The following MS4A15 variants were observed in gnomAD, a reference collection of about 807,000 sequenced individuals.
The protein encoded by MS4A15 is membrane-spanning 4-domains subfamily A member 15.
MS4A15 carries 22 observed loss-of-function variants against 20.6 expected under a neutral mutation model. The ratio of observed to expected loss-of-function variants is 1.07; its 90% CI spans 0.76 to 1.52. The LOEUF is 1.52. Ranked by LOEUF, MS4A15 falls within the 40% of genes most tolerant of loss-of-function variation. The pLI, the probability that MS4A15 is intolerant of heterozygous loss-of-function variation, is 0.00. For synonymous variants in MS4A15, 129 were observed against 129.3 expected (o/e 1.00, Z 0.02); for missense variants, 312 against 323.0 (o/e 0.97, Z 0.26).
chr11:60,767,953 G>T (rs942249947), intron 3 of MS4A15, among the ~76,000 whole-genome samples: 1 of 152,234 alleles, frequency 6.6e-6, no homozygotes, highest in Non-Finnish European at 1.5e-5. Flanking sequence ...AACACTTTGG[G>T]AGGCCGAGGC....
chr11:60,767,755 T>TC, intron 3 of MS4A15, 100 bp downstream of exon 3: 1 of 1,354,716 alleles, frequency 7.4e-7, no homozygotes, highest in Non-Finnish European at 9.6e-7. Flanking sequence ...GCACAGCCTC[T>TC]CCTAGGTGGG....
At chr11:60,772,795 C>T (rs569732665) in intron 4 of MS4A15, among the ~76,000 whole-genome samples, 7 of 152,114 alleles carry the variant, frequency 4.6e-5, no homozygotes, top group Non-Finnish European at 8.8e-5. Context: ...GAGTCACTTG[C>T]CCTGCACGCT....
chr11:60,770,847 A>G (rs889861530), intron 3 of MS4A15, among the ~76,000 whole-genome samples: 1 of 151,796 alleles, frequency 6.6e-6, no homozygotes, highest in Non-Finnish European at 1.5e-5. Context: ...GTGGGATTAC[A>G]GGTGCACGCC....
At chr11:60,772,271 T>C (rs1212907109) in intron 4 of MS4A15, among the ~76,000 whole-genome samples, 1 of 152,122 alleles carries the variant, frequency 6.6e-6, no homozygotes, top group East Asian at 1.9e-4. Context: ...AGAGCCTAAA[T>C]GCCAAGTTCA....
chr11:60,764,052 A>G, intron 2 of MS4A15, 94 bp downstream of exon 2: 2 of 1,149,512 alleles, frequency 1.7e-6, no homozygotes, highest in Non-Finnish European at 2.5e-6. Context: ...GAAGGCAGTT[A>G]ACAAATATGT....
intron 3 of MS4A15, among the ~76,000 whole-genome samples, chr11:60,769,402 G>A (rs746959100): frequency 5.1e-4 from 78 of 152,336 alleles, no homozygotes; most frequent in Non-Finnish European, 4.7e-4. Flanking sequence ...TTCCAGGATG[G>A]TGGATGACTT....
In MS4A15 at chr11:60,763,944, C is replaced by A. The variant is rs778901512; in HGVS notation, c.211C>A (p.Pro71Thr). The stretch of plus-strand genomic sequence containing the variant: ...CGTGGAGACATTCCTGACAGGAGAG[C>A]CCAAAGTTTTGGGGGTAAGAACAGC... ...RPVETFLTGE[P>T]KVLGTVQILI... is the part of the protein sequence containing the mutation. The change falls in exon 2 of 7, where the codon CCC (proline) becomes ACC (threonine). Residue 71 changes from proline (P) to threonine (T), a missense_variant. Physicochemically the swap from Pro to Thr is conservative, Grantham distance 38. Coordinates refer to ENST00000405633, the MANE Select transcript of MS4A15 (RefSeq NM_001098835.2). 3 of 1,612,410 alleles carry A rather than the reference C, an allele frequency of 1.9e-6. No homozygotes were observed. Among genetic ancestry groups the A allele is most frequent in the East Asian group, 2.2e-5 (1 of 44,854 alleles).
Position 60,763,854 on chromosome 11 carries a change from C to T in MS4A15, c.121C>T (p.Gln41Ter), listed in dbSNP as rs571335215. The part of the protein sequence containing the change: ...TSMCQPPGIM[Q>*]FEEPPLGAQT... Reference sequence around the variant, plus strand: ...CATGTGCCAACCTCCAGGGATTATGCAGTTTGAGGAGCCACCGCTGGGGGC... The same window carrying T: ...CATGTGCCAACCTCCAGGGATTATGTAGTTTGAGGAGCCACCGCTGGGGGC... Residue 41 changes from glutamine to a stop codon, truncating the protein, a stop_gained, in exon 2 of 7, where the codon CAG becomes TAG. Coordinates refer to ENST00000405633, the MANE Select transcript of MS4A15 (RefSeq NM_001098835.2). LOFTEE classifies it high-confidence loss of function. 1 of 1,612,868 alleles carries T rather than the reference C, an allele frequency of 6.2e-7. No homozygotes were observed. The highest frequency in any genetic ancestry group is 8.5e-7 in the Non-Finnish European group (1 of 1,179,894).
chr11:60,764,147 A>G (rs1043801309), intron 2 of MS4A15, among the ~76,000 whole-genome samples, 189 bp downstream of exon 2: 4 of 152,266 alleles, frequency 2.6e-5, no homozygotes, highest in Non-Finnish European at 5.9e-5. Context: ...CCAGTAAACA[A>G]ATGACTCAGA....
Position 60,773,844 on chromosome 11 carries a change from A to G in MS4A15, c.506A>G (p.Asp169Gly). 6.2e-7 allele frequency: 1 copy of G among 1,613,962 alleles called. No individual in the cohort carries two copies. The highest frequency in any genetic ancestry group is 8.5e-7 in the Non-Finnish European group (1 of 1,179,858). ...MDFGVTNRDV[D>G]RGYLAVLTIF... ...GTGGGTTTTGGTCCCCAGGATGTGG[A>G]CAGGGGCTATCTGGCCGTGCTTACT... is the stretch of plus-strand genomic sequence containing the variant. The change falls in exon 6 of 7, where the codon GAC becomes GGC. Residue 169 changes from aspartate (D) to glycine (G), a missense_variant. By Grantham distance (94) the Asp-to-Gly change is moderately conservative. Coordinates refer to ENST00000405633, the MANE Select transcript of MS4A15 (RefSeq NM_001098835.2).
At chr11:60,757,764 A>C (rs1029667854) in intron 1 of MS4A15, among the ~76,000 whole-genome samples, 9 of 152,120 alleles carry the variant, frequency 5.9e-5, no homozygotes, top group Admixed American at 2.0e-4. Flanking sequence ...GAATATCTAT[A>C]TGATCGGGTG....
chr11:60,774,540 C>A (rs1467510419), intron 6 of MS4A15, among the ~76,000 whole-genome samples: 1 of 152,236 alleles, frequency 6.6e-6, no homozygotes, highest in Non-Finnish European at 1.5e-5. Flanking sequence ...GGCAGCCTTG[C>A]AGAATAGAAG....
chr11:60,757,636 T>C (rs1045360513), intron 1 of MS4A15, among the ~76,000 whole-genome samples: 1 of 152,188 alleles, frequency 6.6e-6, no homozygotes, highest in African/African-American at 2.4e-5. Context: ...CCTCTTTTCC[T>C]CCACCCTTAA....
chr11:60,771,635 C>G (rs1035121513), intron 4 of MS4A15: 1 of 1,454,946 alleles, frequency 6.9e-7, no homozygotes, highest in Non-Finnish European at 9.1e-7. Flanking sequence ...CTGTAAGAGT[C>G]CTGCTGGGCC....
intron 1 of MS4A15, among the ~76,000 whole-genome samples, chr11:60,758,719 A>G (rs762404084): frequency 1.3e-5 from 2 of 152,340 alleles, no homozygotes; most frequent in Non-Finnish European, 2.9e-5. Flanking sequence ...ATCAGCTTTC[A>G]TTTACCAGCC....
At position 60,775,507 on chromosome 11, in the gene MS4A15, A is replaced by G. The variant is rs990521606; in HGVS notation, c.613-98A>G. 18 of 907,138 alleles carry G rather than the reference A, an allele frequency of 2.0e-5. No homozygotes were observed. The African/African-American group carries it at 2.5e-4, about 13-fold the overall frequency. 56.2% of individuals were successfully genotyped at this position (907,138 alleles called of 1,614,324 possible). On this transcript the variant is annotated intron_variant, in intron 6 of 6. Transcript: ENST00000405633. ...ATTCAGACTTGCGGAATTCAGTACCAGGGCGCTGTTCTCAGATTACCCACA... is the reference window on the plus strand; with the variant it reads ...ATTCAGACTTGCGGAATTCAGTACCGGGGCGCTGTTCTCAGATTACCCACA...
chr11:60,774,449 G>A (rs1250114414), intron 6 of MS4A15, among the ~76,000 whole-genome samples: 1 of 152,126 alleles, frequency 6.6e-6, no homozygotes, highest in African/African-American at 2.4e-5. Flanking sequence ...CGTCTTCGCA[G>A]GTCAGTGAAG....
At chr11:60,769,160 G>A (rs1184765414) in intron 3 of MS4A15, among the ~76,000 whole-genome samples, 1 of 151,730 alleles carries the variant, frequency 6.6e-6, no homozygotes, top group Non-Finnish European at 1.5e-5. Flanking sequence ...CTTCAAAAAT[G>A]GGGGAAGGAA....
chr11:60,761,309 A>C (rs10792289), intron 1 of MS4A15, among the ~76,000 whole-genome samples: 2 of 152,048 alleles, frequency 1.3e-5, no homozygotes, highest in African/African-American at 4.8e-5. Context: ...TATCTTTACT[A>C]TCAGTGTAAA....
Sources: gnomAD v4.1 joint callset for allele counts (sites outside exome capture counted in the v4.1 genomes callset) on GRCh38, gnomAD v4.1.1 for gene constraint, MANE v1.5 for transcripts, NCBI Gene and HGNC (gene_info 2026-07-23, HGNC 2026-07-21) for gene names.